The following CCDC134 variants were observed in gnomAD, a reference collection of about 807,000 sequenced individuals.
CCDC134 encodes the protein coiled-coil domain containing 134.
CCDC134 carries 27 observed loss-of-function variants against 25.6 expected under a neutral mutation model. The observed-to-expected ratio is 1.05, with a 90% CI of 0.78 to 1.45. The LOEUF is 1.45. CCDC134 is among the 40% of genes most tolerant of loss of function. The probability of loss-of-function intolerance (pLI) is 0.00; values close to 1 mark genes in which losing one functional copy is unlikely to be tolerated. For synonymous variants in CCDC134, 110 were observed against 115.0 expected (o/e 0.96, Z 0.28); for missense variants, 261 against 286.7 (o/e 0.91, Z 0.65).
chr22:41,805,042 C>T (rs1224434512), intron 1 of CCDC134, among the ~76,000 whole-genome samples: 1 of 152,134 alleles, frequency 6.6e-6, no homozygotes, highest in East Asian at 1.9e-4. Flanking sequence ...GCACTCCAGC[C>T]TGAGCAACAG....
At chr22:41,820,212 C>T (rs2076644396) in intron 6 of CCDC134, among the ~76,000 whole-genome samples, 1 of 151,178 alleles carries the variant, frequency 6.6e-6, no homozygotes, top group African/African-American at 2.4e-5. Flanking sequence ...TAGCCAGGAT[C>T]GTCTCGATCT....
chr22:41,817,306 G>C (rs1216647154), intron 6 of CCDC134, among the ~76,000 whole-genome samples: 1 of 152,134 alleles, frequency 6.6e-6, no homozygotes, highest in African/African-American at 2.4e-5. Context: ...GATGAAGTAG[G>C]CTTGATCAGC....
chr22:41,801,578 A>T (rs1190695108), intron 1 of CCDC134, among the ~76,000 whole-genome samples: 1 of 152,086 alleles, frequency 6.6e-6, no homozygotes, highest in Non-Finnish European at 1.5e-5. Context: ...TTGTAATCTG[A>T]GTGTGAGACC....
At position 41,813,253 on chromosome 22, in the gene CCDC134, C is replaced by T; in HGVS notation, c.311-11C>T. Reference sequence around the variant, plus strand: ...ATCTGCCCTGGCCACTCATCAGGGTCCTCTCGCCAGCTTTCTCCCACGTGG... The same window carrying T: ...ATCTGCCCTGGCCACTCATCAGGGTTCTCTCGCCAGCTTTCTCCCACGTGG... On this transcript the variant is annotated splice_polypyrimidine_tract_variant and intron_variant, in intron 4 of 6. Transcript: ENST00000255784. 1 of 1,613,992 alleles carries T rather than the reference C, an allele frequency of 6.2e-7. No homozygotes were observed. The highest frequency in any genetic ancestry group is 8.5e-7 in the Non-Finnish European group (1 of 1,179,898).
rs754948072 is a variant in CCDC134, at chr22:41,813,421, G to T, written c.468G>T (p.Gly156=). 1 of 1,614,188 alleles carries T rather than the reference G, an allele frequency of 6.2e-7. No homozygotes were observed. ...FCNQTGVFNQ[G]PHSPILSLMA... is the part of the protein sequence containing the mutation. The stretch of plus-strand genomic sequence containing the variant: ...ACCAGACAGGCGTCTTCAACCAGGG[G>T]CCCCACTCGCCCATCCTCAGCCTGG... The change falls in exon 5 of 7, where the codon GGG becomes GGT. Residue 156 remains glycine (G), a synonymous_variant. Coordinates refer to ENST00000255784, the MANE Select transcript of CCDC134 (RefSeq NM_024821.5).
At position 41,831,522 on chromosome 22, in the gene CCDC134, G is replaced by T. The variant is rs2076710423; in HGVS notation, c.*5699G>T. 6.6e-6 allele frequency: 1 copy of T among 152,250 alleles called. No homozygotes were observed. 9.4% of individuals were successfully genotyped at this position (152,250 alleles called of 1,614,324 possible). On this transcript the variant is annotated 3_prime_UTR_variant, in exon 7 of 7. Transcript: ENST00000255784. ...TTTTTCAATTGCAATACAGCAGTATGCAAGGCACTTACTGTATGCCAAAGC... is the reference window on the plus strand; with the variant it reads ...TTTTTCAATTGCAATACAGCAGTATTCAAGGCACTTACTGTATGCCAAAGC...
chr22:41,801,266 T>C (rs12166503), intron 1 of CCDC134, among the ~76,000 whole-genome samples: 45,910 of 151,834 alleles, frequency 0.3, 7,279 homozygotes, highest in Non-Finnish European at 0.36. Context: ...CTGGGTGAAC[T>C]TGGACTATTC....
At chr22:41,804,491 T>C (rs747803542) in intron 1 of CCDC134, among the ~76,000 whole-genome samples, 4 of 152,216 alleles carry the variant, frequency 2.6e-5, no homozygotes, top group Non-Finnish European at 5.9e-5. Context: ...TGCAGTCTAA[T>C]AACAGATGTA....
intron 1 of CCDC134, among the ~76,000 whole-genome samples, chr22:41,805,333 G>A (rs2076562946): frequency 6.6e-6 from 1 of 152,144 alleles, no homozygotes; most frequent in Admixed American, 6.5e-5. Context: ...TTGGGAGACT[G>A]AGGAAGGAGA....
intron 4 of CCDC134, among the ~76,000 whole-genome samples, chr22:41,812,832 T>A (rs1000398112): frequency 2.0e-5 from 3 of 152,110 alleles, no homozygotes; most frequent in African/African-American, 4.8e-5. Flanking sequence ...TTGGATAACA[T>A]GTCGGTGGGG....
chr22:41,816,470 T>A (rs1235300533), intron 6 of CCDC134, among the ~76,000 whole-genome samples: 1 of 152,186 alleles, frequency 6.6e-6, no homozygotes, highest in Non-Finnish European at 1.5e-5. Context: ...TTTCCTATCA[T>A]GTGGATGGAA....
chr22:41,803,697 G>A (rs2076554623), intron 1 of CCDC134, among the ~76,000 whole-genome samples: 1 of 152,086 alleles, frequency 6.6e-6, no homozygotes, highest in Admixed American at 6.6e-5. Context: ...GAACCCGGGA[G>A]GCAGAGGTTA....
intron 6 of CCDC134, among the ~76,000 whole-genome samples, chr22:41,815,209 T>C (rs547073120): frequency 1.7e-3 from 244 of 146,836 alleles, no homozygotes; most frequent in African/African-American, 5.0e-3. Context: ...CTTTTCTTTT[T>C]TTTTTTTTTT....
Position 41,825,975 on chromosome 22 carries a change from A to G in CCDC134, c.*152A>G. ...CCCCCTGGAGCTGGGTCTGAGCCCC[A>G]GCTGAAGGGACTGAGCCTCAGATGG... On this transcript the variant is annotated 3_prime_UTR_variant, in exon 7 of 7. Coordinates refer to ENST00000255784, the MANE Select transcript of CCDC134 (RefSeq NM_024821.5). The surrounding 1 kb of genome is among the most constrained non-coding windows in gnomAD (Gnocchi z 4.4). 1 of 1,061,936 alleles carries G rather than the reference A, an allele frequency of 9.4e-7. No individual in the cohort carries two copies. Among genetic ancestry groups the G allele is most frequent in the Non-Finnish European group, 1.4e-6 (1 of 729,498 alleles). 65.8% of individuals were successfully genotyped at this position (1,061,936 alleles called of 1,614,324 possible). A position where few individuals can be genotyped will look rare whatever the true frequency, so the allele number is the denominator to read the frequency against.
chr22:41,825,899 G>A lies in CCDC134; in HGVS notation c.*76G>A. The A allele has an allele frequency of 1.3e-6, 2 of 1,585,130 alleles. 1 individual carries two copies. The highest frequency in any genetic ancestry group is 2.7e-5 in the African/African-American group (2 of 74,138). On this transcript the variant is annotated 3_prime_UTR_variant, in exon 7 of 7. Transcript: ENST00000255784. This position sits in a 1 kb window ranked among gnomAD's most constrained non-coding sequence, Gnocchi z 4.4. ...AAGAAGAGGTGGAGGTGTGGTTGTG[G>A]TGGAGAGCACCAGCTAGCCCCTTCC...
At chr22:41,809,025 C>G (rs372411105) in intron 2 of CCDC134, 32 bp downstream of exon 2, 2 of 1,537,608 alleles carry the variant, frequency 1.3e-6, no homozygotes, top group Non-Finnish European at 1.8e-6. Flanking sequence ...AATGAGCTGT[C>G]TTTGAGAGGT....
chr22:41,823,212 T>C (rs902205107), intron 6 of CCDC134, among the ~76,000 whole-genome samples: 1 of 150,516 alleles, frequency 6.6e-6, no homozygotes, highest in African/African-American at 2.5e-5. Flanking sequence ...CAAAAAACCA[T>C]TACCAGAATT....
At chr22:41,816,043 T>G (rs1193600323) in intron 6 of CCDC134, among the ~76,000 whole-genome samples, 1 of 152,166 alleles carries the variant, frequency 6.6e-6, no homozygotes, top group Non-Finnish European at 1.5e-5. Context: ...CAGGATATTG[T>G]CTAAGACCAA....
chr22:41,831,786 G>A lies in CCDC134; in HGVS notation c.*5963G>A, dbSNP rs9611675. ...TGTAATTTATTTTTATGTTTAATAC[G>A]GGTGTGGGATTTCTGATTTTTTTTT... On this transcript the variant is annotated 3_prime_UTR_variant, in exon 7 of 7. Transcript: ENST00000255784. The A allele has an allele frequency of 7.7e-6, 1 of 129,126 alleles. No homozygotes were observed. Among genetic ancestry groups the A allele is most frequent in the Non-Finnish European group, 1.6e-5 (1 of 62,642 alleles). The allele number at this position is 129,126 out of a possible 1,614,324, so 8.0% of individuals were successfully genotyped here.
Sources: gnomAD v4.1 joint callset for allele counts (sites outside exome capture counted in the v4.1 genomes callset) on GRCh38, gnomAD v4.1.1 for gene constraint, Gnocchi (gnomAD v3.1) non-coding constraint, MANE v1.5 for transcripts, NCBI Gene and HGNC (gene_info 2026-07-23, HGNC 2026-07-21) for gene names.